PCSK2: variants seen among roughly 807,000 people sequenced by gnomAD.
PCSK2 encodes proprotein convertase subtilisin/kexin type 2, also known as neuroendocrine convertase 2.
PCSK2 carries 14 observed loss-of-function variants against 69.7 expected under a neutral mutation model. That is an observed-to-expected ratio of 0.20 (90% CI 0.13 to 0.31). The LOEUF (loss-of-function observed/expected upper bound fraction) is 0.31. Among genes scored for constraint, PCSK2 ranks in the 10% least tolerant of loss-of-function variants. PCSK2 has a pLI of 1.00. For synonymous variants in PCSK2, 307 were observed against 320.7 expected (o/e 0.96, Z 0.46); for missense variants, 544 against 842.5 (o/e 0.65, Z 4.39).
At chr20:17,285,829 C>T (rs1988494164) in intron 2 of PCSK2, among the ~76,000 whole-genome samples, 1 of 152,156 alleles carries the variant, frequency 6.6e-6, no homozygotes, top group Non-Finnish European at 1.5e-5. Flanking sequence ...CATCCAGGCC[C>T]CAGCACATCA....
At chr20:17,301,348 T>C (rs906736494) in intron 2 of PCSK2, among the ~76,000 whole-genome samples, 6 of 152,158 alleles carry the variant, frequency 3.9e-5, no homozygotes, top group African/African-American at 1.4e-4. Flanking sequence ...GGCTCTGATA[T>C]CAAAGGCCCC....
At chr20:17,410,918 C>T (rs1355928233) in intron 6 of PCSK2, among the ~76,000 whole-genome samples, 2 of 152,176 alleles carry the variant, frequency 1.3e-5, no homozygotes, top group African/African-American at 4.8e-5. Flanking sequence ...GCAACATATC[C>T]ACTGGCTACT....
intron 8 of PCSK2, among the ~76,000 whole-genome samples, chr20:17,451,815 A>T (rs1381892797): frequency 2.0e-5 from 3 of 151,824 alleles, no homozygotes; most frequent in African/African-American, 7.3e-5. Context: ...ACGTTGCTTC[A>T]TCTCACTAGC....
intron 1 of PCSK2, among the ~76,000 whole-genome samples, chr20:17,258,479 T>TA (rs912562755): frequency 1.8e-4 from 27 of 150,766 alleles, no homozygotes; most frequent in East Asian, 3.9e-4. Context: ...TCTTTGAATG[T>TA]AAAAAAAAAT....
chr20:17,414,430 T>C (rs1315627302), intron 6 of PCSK2, among the ~76,000 whole-genome samples: 3 of 151,818 alleles, frequency 2.0e-5, no homozygotes, highest in Non-Finnish European at 4.4e-5. Context: ...AACTAGAAAA[T>C]CTAGAAGAAA....
chr20:17,404,080 C>T (rs1467768389), intron 5 of PCSK2, among the ~76,000 whole-genome samples: 7 of 152,176 alleles, frequency 4.6e-5, no homozygotes, highest in Non-Finnish European at 1.5e-5. Context: ...TTTTTAAAGC[C>T]TCCTCCACCT....
chr20:17,483,628 G>C lies in PCSK2; in HGVS notation c.*1558G>C, dbSNP rs73900853. On this transcript the variant is annotated 3_prime_UTR_variant, in exon 12 of 12. Coordinates refer to ENST00000262545, the MANE Select transcript of PCSK2 (RefSeq NM_002594.5). ...TTCCCTGAAGGTGGCCACTTTAAGA[G>C]AGAAATCTGAAAACCCCATTTGCTT... 2 of 152,228 alleles carry C rather than the reference G, an allele frequency of 1.3e-5. No individual in the cohort carries two copies. The highest frequency in any genetic ancestry group is 4.8e-5 in the African/African-American group (2 of 41,428). The allele number at this position is 152,228 out of a possible 1,614,324, so 9.4% of individuals were successfully genotyped here.
In PCSK2 at chr20:17,330,859, A is replaced by T. The variant is rs144142019; in HGVS notation, c.283-27468A>T. Among the ~76,000 whole-genome samples the T allele has an allele frequency of 1.4e-3, 215 of 152,278 alleles. 1 individual carries two copies. Among genetic ancestry groups the T allele is most frequent in the African/African-American group, 4.9e-3 (205 of 41,572 alleles). ...TGGTTACTGCGGGTCCAGAGAGCAC[A>T]TCTTCCTACTCCAGCTTCCAAAGGC... On this transcript the variant is annotated intron_variant, in intron 2 of 11. Transcript: ENST00000262545.
At chr20:17,335,104 G>A (rs1475858593) in intron 2 of PCSK2, among the ~76,000 whole-genome samples, 2 of 152,172 alleles carry the variant, frequency 1.3e-5, no homozygotes, top group African/African-American at 4.8e-5. Flanking sequence ...CAGTTTTTTG[G>A]CTCACTATTT....
chr20:17,418,416 G>A (rs1470729677), intron 6 of PCSK2, among the ~76,000 whole-genome samples: 3 of 152,128 alleles, frequency 2.0e-5, no homozygotes, highest in East Asian at 1.9e-4. Context: ...ATAGGCTGGC[G>A]GGGAGGTGCA....
rs1050573879 is a variant in PCSK2, at chr20:17,231,441, G to T, written c.177+3959G>T. 5.3e-5 allele frequency among the ~76,000 whole-genome samples: 8 copies of T among 152,142 alleles called. No individual in the cohort carries two copies. The East Asian group carries it at 1.5e-3, about 29-fold the overall frequency. On this transcript the variant is annotated intron_variant, in intron 1 of 11. Transcript: ENST00000262545. ...AATAAAATATTACCAGTATCCCTAA[G>T]TCCTTTTCTCACTCACTTGCTTTGT... is the stretch of plus-strand genomic sequence containing the variant.
chr20:17,236,237 C>T (rs1986332990), intron 1 of PCSK2, among the ~76,000 whole-genome samples: 1 of 151,782 alleles, frequency 6.6e-6, no homozygotes, highest in Non-Finnish European at 1.5e-5. Context: ...AAGAGAAAAT[C>T]AAAAGAAAAC....
chr20:17,456,295 G>T, intron 9 of PCSK2, 53 bp from the exon 10 acceptor site: 1 of 913,832 alleles, frequency 1.1e-6, no homozygotes, highest in South Asian at 1.3e-5. Flanking sequence ...CATTGTGCGG[G>T]GGTTCAAAAT....
intron 2 of PCSK2, among the ~76,000 whole-genome samples, chr20:17,302,218 A>G (rs1458138944): frequency 6.6e-6 from 1 of 152,084 alleles, no homozygotes; most frequent in Non-Finnish European, 1.5e-5. Context: ...AATTTTTCTT[A>G]ATCTTCGAAT....
At chr20:17,389,959 A>G (rs1446137523) in intron 5 of PCSK2, among the ~76,000 whole-genome samples, 1 of 152,258 alleles carries the variant, frequency 6.6e-6, no homozygotes, top group African/African-American at 2.4e-5. Flanking sequence ...AAAATGGCAT[A>G]TACATAGCAG....
chr20:17,337,058 T>C (rs559508127), intron 2 of PCSK2, among the ~76,000 whole-genome samples: 1 of 149,952 alleles, frequency 6.7e-6, no homozygotes, highest in African/African-American at 2.4e-5. Context: ...AGGAAACTGA[T>C]GTGTGGTTAA....
At chr20:17,228,233 G>C (rs1986006852) in intron 1 of PCSK2, 1 of 152,356 alleles carries the variant, frequency 6.6e-6, no homozygotes, top group Non-Finnish European at 1.5e-5. Context: ...CGGCCAGCCT[G>C]GCTTTCCCAC....
chr20:17,433,920 CT>C (rs113238380), intron 7 of PCSK2, among the ~76,000 whole-genome samples: 34,357 of 102,064 alleles, frequency 0.34, 7,205 homozygotes, highest in South Asian at 0.57. Flanking sequence ...CCTTTCCTCT[CT>C]CTTTCCCTCT....
intron 2 of PCSK2, among the ~76,000 whole-genome samples, chr20:17,320,105 G>T (rs1350808355): frequency 6.6e-6 from 1 of 152,110 alleles, no homozygotes; most frequent in African/African-American, 2.4e-5. Flanking sequence ...GAAGCTCAAG[G>T]TGTTATGTTT....
Sources: allele counts gnomAD v4.1 joint callset (sites outside exome capture counted in the v4.1 genomes callset), GRCh38; gene constraint gnomAD v4.1.1; transcripts MANE v1.5; gene names NCBI Gene and HGNC (gene_info 2026-07-23, HGNC 2026-07-21).